Variants in CARMIL1 observed in about 807,000 individuals in gnomAD.
CARMIL1 encodes F-actin-uncapping protein LRRC16A.
In CARMIL1, 90 loss-of-function variants were observed where a neutral mutation model predicts 177.1. That is an observed-to-expected ratio of 0.51 (90% CI 0.43 to 0.61). The LOEUF (loss-of-function observed/expected upper bound fraction) is 0.61. CARMIL1 is among the 20% of genes least tolerant of loss of function. The pLI is 0.00. For synonymous variants in CARMIL1, 577 were observed against 606.2 expected (o/e 0.95, Z 0.71); for missense variants, 1,380 against 1,667.0 (o/e 0.83, Z 3.00).
Position 25,495,125 on chromosome 6 carries a change from T to C in CARMIL1, c.1235T>C (p.Val412Ala), listed in dbSNP as rs1340391590. Residue 412 changes from valine (V) to alanine (A), a missense_variant, in exon 16 of 37, where the codon GTA becomes GCA. Coordinates refer to ENST00000329474, the MANE Select transcript of CARMIL1 (RefSeq NM_017640.6). Reference protein sequence around the residue: ...TVFSHRKGKEVPPSFKQFFSS... With the variant: ...TVFSHRKGKEAPPSFKQFFSS... ...GTTTTTTTCAGGAAAGGAAAAGAAG[T>C]ACCTCCATCTTTCAAGCAATTTTTT... 5 of 1,609,640 alleles carry C rather than the reference T, an allele frequency of 3.1e-6. No homozygotes were observed. Among genetic ancestry groups the C allele is most frequent in the Non-Finnish European group, 4.2e-6 (5 of 1,176,764 alleles).
At chr6:25,296,751 T>G (rs775881989) in intron 2 of CARMIL1, among the ~76,000 whole-genome samples, 1 of 152,110 alleles carries the variant, frequency 6.6e-6, no homozygotes. Flanking sequence ...CAGCTGTCAC[T>G]AGCAACCAAA....
intron 29 of CARMIL1, among the ~76,000 whole-genome samples, chr6:25,574,125 A>G (rs925854243): frequency 6.6e-6 from 1 of 152,188 alleles, no homozygotes; most frequent in South Asian, 2.1e-4. Flanking sequence ...GTTATCCATC[A>G]GGAGGTAGCA....
At position 25,374,192 on chromosome 6, in the gene CARMIL1, C is replaced by T. The variant is rs553525492; in HGVS notation, c.139-45922C>T. On this transcript the variant is annotated intron_variant, in intron 2 of 36. Transcript: ENST00000329474. ...AGTGCTATAAACTTAACTCATAGCA[C>T]TGCTCTTGCTGTATCCCAGAGGTTT... Among the ~76,000 whole-genome samples the T allele has an allele frequency of 4.3e-4, 66 of 152,284 alleles. No homozygotes were observed. The Middle Eastern group carries it at 0.017, about 39-fold the overall frequency.
intron 26 of CARMIL1, among the ~76,000 whole-genome samples, chr6:25,545,637 G>A (rs750654729): frequency 6.6e-6 from 1 of 151,980 alleles, no homozygotes; most frequent in African/African-American, 2.4e-5. Context: ...ATTTTTTTCA[G>A]GTGTCCATGG....
intron 2 of CARMIL1, among the ~76,000 whole-genome samples, chr6:25,309,222 C>T (rs2690120): frequency 0.51 from 76,707 of 151,690 alleles, 19,530 homozygotes; most frequent in Middle Eastern, 0.56. Flanking sequence ...AGATGTAATT[C>T]AGGCTGGGTG....
chr6:25,471,387 G>GA (rs536054698), intron 10 of CARMIL1, 130 bp downstream of exon 10: 2 of 576,900 alleles, frequency 3.5e-6, no homozygotes, highest in Non-Finnish European at 2.9e-6. Flanking sequence ...TTCCTTCTGG[G>GA]AAAAAAATAT....
chr6:25,322,009 C>T (rs992924975), intron 2 of CARMIL1, among the ~76,000 whole-genome samples: 5 of 151,996 alleles, frequency 3.3e-5, no homozygotes, highest in Non-Finnish European at 5.9e-5. Context: ...GCCTAGGCTG[C>T]GTTAGAACTC....
intron 2 of CARMIL1, among the ~76,000 whole-genome samples, chr6:25,368,578 T>G (rs891971147): frequency 6.6e-6 from 1 of 152,174 alleles, no homozygotes; most frequent in African/African-American, 2.4e-5. Flanking sequence ...CTCAGGAATC[T>G]CATAGAACCC....
chr6:25,459,269 T>TCTCTTTCTTTC (rs56094712), intron 8 of CARMIL1, among the ~76,000 whole-genome samples: 1 of 118,166 alleles, frequency 8.5e-6, no homozygotes, highest in African/African-American at 3.2e-5. Context: ...TTTCTTTCTT[T>TCTCTTTCTTTC]TTTTTTTTTT....
At chr6:25,402,889 A>G (rs866088197) in intron 2 of CARMIL1, among the ~76,000 whole-genome samples, 4 of 152,160 alleles carry the variant, frequency 2.6e-5, no homozygotes, top group South Asian at 2.1e-4. Flanking sequence ...GTTATATATT[A>G]TAGGTATTAT....
intron 2 of CARMIL1, among the ~76,000 whole-genome samples, chr6:25,344,347 G>A (rs1304324031): frequency 1.3e-5 from 2 of 151,988 alleles, no homozygotes; most frequent in African/African-American, 2.4e-5. Flanking sequence ...TGGAGTCCAC[G>A]ATCAACCACT....
In CARMIL1 at chr6:25,545,244, G is replaced by A. The variant is rs889580377; in HGVS notation, c.2328+5166G>A. On this transcript the variant is annotated intron_variant, in intron 26 of 36. Coordinates refer to ENST00000329474, the MANE Select transcript of CARMIL1 (RefSeq NM_017640.6). Reference sequence around the variant, plus strand: ...TTTTGGTGTCATAGTGACTGACATGGGCAGGTAACAGTGATCCTAAATATC... The same window carrying A: ...TTTTGGTGTCATAGTGACTGACATGAGCAGGTAACAGTGATCCTAAATATC... 2.6e-5 allele frequency among the ~76,000 whole-genome samples: 4 copies of A among 152,134 alleles called. No homozygotes were observed. In the East Asian group the frequency reaches 5.8e-4, roughly 22 times the overall value.
chr6:25,285,185 A>G (rs1284025994), intron 2 of CARMIL1, among the ~76,000 whole-genome samples: 1 of 152,196 alleles, frequency 6.6e-6, no homozygotes, highest in East Asian at 1.9e-4. Context: ...TGTTTTCATA[A>G]TATTCAGAGT....
chr6:25,400,853 C>G (rs2150578985), intron 2 of CARMIL1, among the ~76,000 whole-genome samples: 1 of 152,268 alleles, frequency 6.6e-6, no homozygotes, highest in East Asian at 1.9e-4. Context: ...AAGCCTCTGC[C>G]TATTGTTTGA....
intron 2 of CARMIL1, among the ~76,000 whole-genome samples, chr6:25,397,478 G>A (rs533786204): frequency 6.6e-6 from 1 of 152,314 alleles, no homozygotes; most frequent in East Asian, 1.9e-4. Context: ...ATAGGGTGGG[G>A]CAGATAGGGA....
chr6:25,425,000 A>G (rs1309244138), intron 3 of CARMIL1, among the ~76,000 whole-genome samples: 1 of 152,200 alleles, frequency 6.6e-6, no homozygotes, highest in Non-Finnish European at 1.5e-5. Flanking sequence ...TAAAATAATG[A>G]AGGAAGGTAT....
intron 4 of CARMIL1, among the ~76,000 whole-genome samples, chr6:25,431,015 CT>C (rs535437399): frequency 2.6e-5 from 4 of 151,368 alleles, no homozygotes; most frequent in East Asian, 1.9e-4. Flanking sequence ...TTTCAAACAA[CT>C]TTTTTTTTAT....
chr6:25,557,997 A>G (rs972089799), intron 29 of CARMIL1, among the ~76,000 whole-genome samples: 1 of 152,222 alleles, frequency 6.6e-6, no homozygotes, highest in Non-Finnish European at 1.5e-5. Context: ...ATATAATTAT[A>G]TAAACCTGCA....
At chr6:25,523,957 T>C (rs1806834364) in intron 23 of CARMIL1, among the ~76,000 whole-genome samples, 1 of 152,194 alleles carries the variant, frequency 6.6e-6, no homozygotes. Flanking sequence ...CACCCTTTCA[T>C]GGGTTTTATT....
Sources: allele counts gnomAD v4.1 joint callset (sites outside exome capture counted in the v4.1 genomes callset), GRCh38; gene constraint gnomAD v4.1.1; transcripts MANE v1.5; gene names NCBI Gene and HGNC (gene_info 2026-07-23, HGNC 2026-07-21).